The following KCNMA1 variants were observed in gnomAD, a reference collection of about 807,000 sequenced individuals.
KCNMA1 encodes the protein Calcium-activated potassium channel subunit alpha-1.
In KCNMA1, 29 loss-of-function variants were observed where a neutral mutation model predicts 140.0. The observed-to-expected ratio is 0.21, with a 90% CI of 0.15 to 0.28. The LOEUF is 0.28. Among genes scored for constraint, KCNMA1 ranks in the 10% least tolerant of loss-of-function variants. KCNMA1 has a pLI of 1.00. For missense variants in KCNMA1, 880 were observed against 1,602.2 expected, an observed-to-expected ratio of 0.55 and a Z score of 7.70; for synonymous variants, 612 against 611.9, an observed-to-expected ratio of 1.00 and a Z score of 0.00.
intron 9 of KCNMA1, among the ~76,000 whole-genome samples, chr10:77,095,900 G>C (rs1595858247): frequency 6.6e-6 from 1 of 152,268 alleles, no homozygotes; most frequent in South Asian, 2.1e-4. Flanking sequence ...GGCATCAAGA[G>C]AGCCACTGAA....
chr10:77,369,531 G>C (rs556560982), intron 2 of KCNMA1, among the ~76,000 whole-genome samples: 11 of 152,244 alleles, frequency 7.2e-5, no homozygotes, highest in African/African-American at 2.6e-4. Flanking sequence ...TTCAACCCTA[G>C]ATGTATATTG....
chr10:77,365,925 A>C (rs1603425947), intron 2 of KCNMA1, among the ~76,000 whole-genome samples: 1 of 152,158 alleles, frequency 6.6e-6, no homozygotes, highest in East Asian at 1.9e-4. Context: ...AGATGGGCAG[A>C]AGAATTCCAG....
At chr10:77,286,077 C>T (rs1043355772) in intron 2 of KCNMA1, among the ~76,000 whole-genome samples, 8 of 152,164 alleles carry the variant, frequency 5.3e-5, no homozygotes, top group African/African-American at 1.9e-4. Flanking sequence ...GTCCTGACAA[C>T]ATATTTATAA....
chr10:77,011,222 A>C (rs2090647596), intron 18 of KCNMA1, among the ~76,000 whole-genome samples: 1 of 152,188 alleles, frequency 6.6e-6, no homozygotes, highest in South Asian at 2.1e-4. Context: ...AACCTTCTCA[A>C]AGCAAAGACC....
At chr10:77,617,703 A>C (rs532655402) in intron 1 of KCNMA1, among the ~76,000 whole-genome samples, 1 of 152,324 alleles carries the variant, frequency 6.6e-6, no homozygotes, top group South Asian at 2.1e-4. Flanking sequence ...TACATCTGTA[A>C]AATGGGAAAA....
At chr10:77,214,369 T>C (rs574023132) in intron 3 of KCNMA1, among the ~76,000 whole-genome samples, 1 of 152,280 alleles carries the variant, frequency 6.6e-6, no homozygotes, top group South Asian at 2.1e-4. Flanking sequence ...TACACTTTTT[T>C]TCCTACCAGC....
At chr10:77,295,578 G>A (rs1368762931) in intron 2 of KCNMA1, among the ~76,000 whole-genome samples, 2 of 150,694 alleles carry the variant, frequency 1.3e-5, no homozygotes, top group Non-Finnish European at 3.0e-5. Flanking sequence ...TCAGGAGATC[G>A]AGACCATTCT....
At chr10:77,085,664 G>A (rs2096674270) in intron 11 of KCNMA1, among the ~76,000 whole-genome samples, 1 of 152,046 alleles carries the variant, frequency 6.6e-6, no homozygotes. Flanking sequence ...AATCATCTCT[G>A]ATTTCTTTAA....
Position 77,637,582 on chromosome 10 carries a change from T to TGCCTCCGCC in KCNMA1, c.52_60dup (p.Gly18_Gly20dup), listed in dbSNP as rs1555528587. 4.6e-6 allele frequency: 7 copies of TGCCTCCGCC among 1,532,248 alleles called. No individual in the cohort carries two copies. In the South Asian group the frequency reaches 6.0e-5, roughly 13 times the overall value. 94.9% of individuals were successfully genotyped at this position (1,532,248 alleles called of 1,614,324 possible). The stretch of plus-strand genomic sequence containing the variant: ...ATATTGCTACTCATTCTAAGACTGC[T>TGCCTCCGCC]GCCTCCGCCGCCGCCGCCGCCGCCG... On this transcript the variant is annotated inframe_insertion, in exon 1 of 28. Transcript: ENST00000286628.
intron 2 of KCNMA1, among the ~76,000 whole-genome samples, chr10:77,319,028 G>A (rs1602347536): frequency 6.6e-6 from 1 of 152,132 alleles, no homozygotes; most frequent in Admixed American, 6.5e-5. Context: ...CACCTACTGA[G>A]GCCAGAGTAG....
chr10:76,936,054 T>C (rs915370123), intron 23 of KCNMA1, among the ~76,000 whole-genome samples: 3 of 152,236 alleles, frequency 2.0e-5, no homozygotes, highest in Admixed American at 2.0e-4. Context: ...AAAGAGGATC[T>C]CTCATGTGAT....
At chr10:77,408,196 T>C (rs2096532941) in intron 1 of KCNMA1, among the ~76,000 whole-genome samples, 1 of 152,182 alleles carries the variant, frequency 6.6e-6, no homozygotes, top group Non-Finnish European at 1.5e-5. Context: ...CAGCATTCCG[T>C]TCTTGCTCCT....
At chr10:77,274,077 CAA>C (rs1456488686) in intron 2 of KCNMA1, among the ~76,000 whole-genome samples, 1 of 152,140 alleles carries the variant, frequency 6.6e-6, no homozygotes, top group Non-Finnish European at 1.5e-5. Flanking sequence ...GCCTTGCAAA[CAA>C]AGAGTTCCCT....
chr10:76,905,382 G>A (rs1418182332), intron 25 of KCNMA1, among the ~76,000 whole-genome samples: 1 of 152,188 alleles, frequency 6.6e-6, no homozygotes, highest in Admixed American at 6.5e-5. Context: ...GCATTAGGAG[G>A]AAGCTGGTGG....
chr10:77,349,622 TATC>T (rs2092624106), intron 2 of KCNMA1, among the ~76,000 whole-genome samples: 1 of 152,142 alleles, frequency 6.6e-6, no homozygotes, highest in South Asian at 2.1e-4. Flanking sequence ...ATAAGAAACT[TATC>T]AGCAGTTCTT....
intron 1 of KCNMA1, chr10:77,587,665 G>T (rs2077644829): frequency 4.1e-6 from 4 of 979,910 alleles, no homozygotes; most frequent in Non-Finnish European, 4.8e-6. Context: ...CACCTTCAGT[G>T]GAATCTGTGG....
intron 1 of KCNMA1, among the ~76,000 whole-genome samples, chr10:77,577,278 G>A (rs1171421468): frequency 6.6e-6 from 1 of 152,022 alleles, no homozygotes; most frequent in Non-Finnish European, 1.5e-5. Context: ...TTGAACTCCT[G>A]ACCTTGTGAT....
rs540879166 is a variant in KCNMA1 at position 76,983,902 on chromosome 10, A to T, written c.2267-13835T>A. ...AAAGGAATACCGCAGACCATAAAAA[A>T]AACAGTAAAAAGATATAGCTGTGTC... On this transcript the variant is annotated intron_variant, in intron 19 of 27. Transcript: ENST00000286628. 5.9e-4 allele frequency among the ~76,000 whole-genome samples: 90 copies of T among 152,338 alleles called. 1 individual carries two copies. Among genetic ancestry groups the T allele is most frequent in the South Asian group, 5.2e-3 (25 of 4,834 alleles).
At chr10:77,017,596 A>T (rs774824994) in intron 17 of KCNMA1, among the ~76,000 whole-genome samples, 1 of 152,138 alleles carries the variant, frequency 6.6e-6, no homozygotes, top group Non-Finnish European at 1.5e-5. Context: ...CCAACAGCCC[A>T]TGTTTTCTTT....
Sources: gnomAD v4.1 joint callset for allele counts (sites outside exome capture counted in the v4.1 genomes callset) on GRCh38, gnomAD v4.1.1 for gene constraint, MANE v1.5 for transcripts, NCBI Gene and HGNC (gene_info 2026-07-23, HGNC 2026-07-21) for gene names.